Variants in CLDN16 observed in about 807,000 individuals in gnomAD.
The protein encoded by CLDN16 is claudin 16.
CLDN16 carries 13 observed loss-of-function variants against 24.6 expected under a neutral mutation model. The observed-to-expected ratio is 0.53, with a 90% CI of 0.34 to 0.84. The LOEUF (loss-of-function observed/expected upper bound fraction) is 0.84, where lower values mean the gene tolerates loss of function less well. Ranked by LOEUF, CLDN16 falls within the 40% of genes least tolerant of loss-of-function variation. The pLI is 0.01. For missense variants in CLDN16, 298 were observed against 292.7 expected (o/e 1.02, Z -0.13); for synonymous variants, 116 against 106.7 (o/e 1.09, Z -0.54).
chr3:190,310,025 T>C, the CLDN16 span: 1 of 718,342 alleles, frequency 1.4e-6, no homozygotes. Context: ...TTGACATAAG[T>C]CAGAGATCAT....
the CLDN16 span, among the ~76,000 whole-genome samples, chr3:190,312,377 T>C: frequency 6.6e-6 from 1 of 152,218 alleles, no homozygotes; most frequent in Non-Finnish European, 1.5e-5. Context: ...TTTCTTTTCA[T>C]TGATCTACAG....
chr3:190,339,928 A>C (rs988618891), intron 1 of CLDN16, among the ~76,000 whole-genome samples: 3 of 152,238 alleles, frequency 2.0e-5, no homozygotes, highest in African/African-American at 7.2e-5. Flanking sequence ...AAATATTAGC[A>C]AATCAAATTC....
At chr3:190,322,141 G>T (rs562285276), upstream of CLDN16, 4 of 1,614,110 alleles carry the variant, frequency 2.5e-6, no homozygotes, top group Non-Finnish European at 2.5e-6. Flanking sequence ...CAGTGCTGAC[G>T]ATGGCGCCGA....
chr3:190,346,392 C>A (rs139947315), intron 1 of CLDN16, among the ~76,000 whole-genome samples: 1 of 152,076 alleles, frequency 6.6e-6, no homozygotes, highest in Non-Finnish European at 1.5e-5. Flanking sequence ...AAAAATCCTC[C>A]GGCAATTTTA....
the CLDN16 span, among the ~76,000 whole-genome samples, chr3:190,316,120 T>C: frequency 6.6e-6 from 1 of 152,214 alleles, no homozygotes; most frequent in Non-Finnish European, 1.5e-5. Context: ...TCAGGTTTCA[T>C]TTCTCTATAG....
chr3:190,337,793 G>A (rs1717344500), intron 1 of CLDN16, among the ~76,000 whole-genome samples: 1 of 152,228 alleles, frequency 6.6e-6, no homozygotes, highest in Admixed American at 6.5e-5. Context: ...CTCACAGAGA[G>A]AGATATTGGA....
chr3:190,393,768 T>TA lies in CLDN16; in HGVS notation c.114+5328dup, dbSNP rs1553808248. Among the ~76,000 whole-genome samples, 15 of 133,552 alleles carry TA rather than the reference T, an allele frequency of 1.1e-4. No individual in the cohort carries two copies. In the East Asian group the frequency reaches 2.3e-3, roughly 21 times the overall value. The allele number at this position is 133,552 out of a possible 152,430, so 87.6% of individuals were successfully genotyped here. A position where few individuals can be genotyped will look rare whatever the true frequency, so the allele number is the denominator to read the frequency against. On this transcript the variant is annotated intron_variant, in intron 1 of 4. Transcript: ENST00000264734. ...TTGCCTTTTTTTTTTTTTTTTTTTT[T>TA]AAATCAGAATCTCTCTCTGTCGCCC... is the stretch of plus-strand genomic sequence containing the variant.
intron 1 of CLDN16, among the ~76,000 whole-genome samples, chr3:190,340,723 C>T (rs113436777): frequency 0.039 from 5,955 of 152,192 alleles, 389 homozygotes; most frequent in African/African-American, 0.13. Context: ...TCAGCATTAA[C>T]TCAAAAGTCC....
intron 1 of CLDN16, among the ~76,000 whole-genome samples, chr3:190,370,710 G>A (rs1203412304): frequency 4.6e-5 from 7 of 151,932 alleles, no homozygotes; most frequent in African/African-American, 1.7e-4. Context: ...TGGTGTGTCT[G>A]TGAGGGTGCT....
chr3:190,391,940 T>C (rs1233367385), intron 1 of CLDN16, among the ~76,000 whole-genome samples: 1 of 152,200 alleles, frequency 6.6e-6, no homozygotes, highest in Admixed American at 6.5e-5. Flanking sequence ...TTTTCAAGCG[T>C]ATGTTTGCAT....
At position 190,374,181 on chromosome 3, in the gene CLDN16, A is replaced by C. The variant is rs148202368; in HGVS notation, n.231-347A>C. On this transcript the variant is annotated intron_variant and non_coding_transcript_variant, in intron 2 of 4. Coordinates refer to the CLDN16 transcript ENST00000468220. ...AAGTAAAAATCTCCAGATTCCAAGAATCCAGAATAGTCTACCATATGAGTA... is the reference window on the plus strand; with the variant it reads ...AAGTAAAAATCTCCAGATTCCAAGACTCCAGAATAGTCTACCATATGAGTA... 3.4e-4 allele frequency among the ~76,000 whole-genome samples: 51 copies of C among 151,852 alleles called. 1 individual carries two copies. The East Asian group carries it at 7.6e-3, about 23-fold the overall frequency.
the CLDN16 span, among the ~76,000 whole-genome samples, chr3:190,316,309 T>C: frequency 6.6e-6 from 1 of 152,256 alleles, no homozygotes. Context: ...TATTTGTATG[T>C]TCCAATATTA....
intron 1 of CLDN16, among the ~76,000 whole-genome samples, chr3:190,339,546 G>A (rs78368706): frequency 0.069 from 10,461 of 152,188 alleles, 555 homozygotes; most frequent in African/African-American, 0.14. Context: ...TATGGTAATA[G>A]TCTAGAAAAT....
chr3:190,380,226 T>TCC lies in CLDN16; in HGVS notation n.306+5623_306+5624insCC, dbSNP rs1283170950. Reference sequence around the variant, plus strand: ...TTCCTTCCTTCCTCCCTTCCTTCCTTTTCTTCCTTCCCTCCCTTCCTTCCT... The same window carrying TCC: ...TTCCTTCCTTCCTCCCTTCCTTCCTTCCTTCTTCCTTCCCTCCCTTCCTTCCT... On this transcript the variant is annotated intron_variant and non_coding_transcript_variant, in intron 3 of 4. Coordinates refer to the CLDN16 transcript ENST00000468220. Among the ~76,000 whole-genome samples, 25 of 3,516 alleles carry TCC rather than the reference T, an allele frequency of 7.1e-3. 9 individuals are homozygous for TCC. Among genetic ancestry groups the TCC allele is most frequent in the African/African-American group, 9.1e-3 (3 of 328 alleles). 2.3% of individuals were successfully genotyped at this position (3,516 alleles called of 152,430 possible).
chr3:190,311,806 T>C, the CLDN16 span, among the ~76,000 whole-genome samples: 2 of 151,884 alleles, frequency 1.3e-5, no homozygotes, highest in East Asian at 1.9e-4. Context: ...CACGTAAGTA[T>C]ACATACACTA....
the CLDN16 span, chr3:190,308,048 T>A: frequency 2.0e-6 from 1 of 488,978 alleles, no homozygotes; most frequent in Non-Finnish European, 3.7e-6. Context: ...GAAGCAGTAA[T>A]ACAAATGGAA....
chr3:190,318,999 T>G (rs1274317493), upstream of CLDN16, among the ~76,000 whole-genome samples: 1 of 152,146 alleles, frequency 6.6e-6, no homozygotes, highest in Admixed American at 6.5e-5. Flanking sequence ...AGAGAGAGTC[T>G]AGCCTAACCT....
chr3:190,365,939 A>G (rs1213187159), intron 1 of CLDN16, among the ~76,000 whole-genome samples: 1 of 151,842 alleles, frequency 6.6e-6, no homozygotes, highest in Non-Finnish European at 1.5e-5. Flanking sequence ...CCTCTACATA[A>G]TTCTTAAGCA....
chr3:190,310,004 T>A, the CLDN16 span, among the ~76,000 whole-genome samples: 1 of 152,320 alleles, frequency 6.6e-6, no homozygotes, highest in East Asian at 1.9e-4. Context: ...AAAGCAATTA[T>A]CAAACTCATT....
Sources: allele counts gnomAD v4.1 joint callset (sites outside exome capture counted in the v4.1 genomes callset), GRCh38; gene constraint gnomAD v4.1.1; transcripts MANE v1.5; gene names NCBI Gene and HGNC (gene_info 2026-07-23, HGNC 2026-07-21).